Variants in PPP3R2 observed in about 807,000 individuals in gnomAD.
PPP3R2 encodes the protein protein phosphatase 3 regulatory subunit B, beta, also known as calcineurin subunit B type 2.
For missense variants in PPP3R2, 225 were observed against 217.4 expected (o/e 1.03, Z -0.22); for synonymous variants, 91 against 91.5 (o/e 0.99, Z 0.03).
rs1353765334 is a variant in PPP3R2, at chr9:101,592,166, A to G, written c.*2243T>C. On this transcript the variant is annotated 3_prime_UTR_variant, in exon 1 of 1. Transcript: ENST00000374806. ...CAGAAAGTCTGTTGTCCCCTCTGCA[A>G]ATGAAGGAGTGGTGAGGACCTTGAA... 6.6e-6 allele frequency: 1 copy of G among 152,192 alleles called. No individual in the cohort carries two copies. Among genetic ancestry groups the G allele is most frequent in the Admixed American group, 6.5e-5 (1 of 15,280 alleles). 9.4% of individuals were successfully genotyped at this position (152,192 alleles called of 1,614,324 possible).
rs560096090 is a variant in PPP3R2 at position 101,594,134 on chromosome 9, C to A, written c.*275G>T. On this transcript the variant is annotated 3_prime_UTR_variant, in exon 1 of 1. Coordinates refer to ENST00000374806, the MANE Select transcript of PPP3R2 (RefSeq NM_147180.4). ...TAAAGTTCTAGTTTGGTCTTTGAAT[C>A]AAAACAAAGTAAAAGATGTTTATAA... 8.1e-6 allele frequency: 3 copies of A among 369,956 alleles called. No homozygotes were observed. In the South Asian group the frequency reaches 2.3e-4, roughly 28 times the overall value. 22.9% of individuals were successfully genotyped at this position (369,956 alleles called of 1,614,324 possible).
Position 101,594,729 on chromosome 9 carries a change from C to A in PPP3R2, c.193G>T (p.Asp65Tyr). ...TTGAAGTCCACTTCTCCATCACCGT[C>A]GGTGTCGAAGACGTCGATCACTCGC... ...VRRVIDVFDT[D>Y]GDGEVDFKEF... The change falls in exon 1 of 1, where the codon GAC becomes TAC. Residue 65 changes from aspartate to tyrosine, a missense_variant. Coordinates refer to ENST00000374806, the MANE Select transcript of PPP3R2 (RefSeq NM_147180.4). 6 of 1,613,732 alleles carry A rather than the reference C, an allele frequency of 3.7e-6. No homozygotes were observed. The highest frequency in any genetic ancestry group is 5.1e-6 in the Non-Finnish European group (6 of 1,179,600).
At position 101,594,968 on chromosome 9, in the gene PPP3R2, G is replaced by A. The variant is rs1828098767; in HGVS notation, c.-47C>T. 1.3e-6 allele frequency: 2 copies of A among 1,570,532 alleles called. No homozygotes were observed. Among genetic ancestry groups the A allele is most frequent in the Non-Finnish European group, 1.7e-6 (2 of 1,165,246 alleles). The stretch of plus-strand genomic sequence containing the variant: ...ACGGCTCAAAGGGTCGGAGAGGGGA[G>A]CAGGGGCGGTGAGCTCGGGCGGGGC... On this transcript the variant is annotated 5_prime_UTR_variant, in exon 1 of 1. Coordinates refer to ENST00000374806, the MANE Select transcript of PPP3R2 (RefSeq NM_147180.4).
chr9:101,594,246 T>C lies in PPP3R2; in HGVS notation c.*163A>G. ...CCCTGAGTCATTCAGAGAAGGAGAA[T>C]TAATAGCACTGAGTTGGTGATGAAG... On this transcript the variant is annotated 3_prime_UTR_variant, in exon 1 of 1. Coordinates refer to ENST00000374806, the MANE Select transcript of PPP3R2 (RefSeq NM_147180.4). 2 of 862,548 alleles carry C rather than the reference T, an allele frequency of 2.3e-6. No individual in the cohort carries two copies. The highest frequency in any genetic ancestry group is 2.7e-5 in the East Asian group (1 of 37,232). 53.4% of individuals were successfully genotyped at this position (862,548 alleles called of 1,614,324 possible). A position where few individuals can be genotyped will look rare whatever the true frequency, so the allele number is the denominator to read the frequency against.
Position 101,592,599 on chromosome 9 carries a change from G to C in PPP3R2, c.*1810C>G, listed in dbSNP as rs191382771. On this transcript the variant is annotated 3_prime_UTR_variant, in exon 1 of 1. Transcript: ENST00000374806. ...ACATTACATAACCCTGATCACCACA[G>C]GGTTGGGAGCGTTTATCACAGTTTT... 11 of 152,308 alleles carry C rather than the reference G, an allele frequency of 7.2e-5. No homozygotes were observed. Among genetic ancestry groups the C allele is most frequent in the Admixed American group, 2.6e-4 (4 of 15,296 alleles). The allele number at this position is 152,308 out of a possible 1,614,324, so 9.4% of individuals were successfully genotyped here.
rs1828087273 is a variant in PPP3R2 at position 101,594,608 on chromosome 9, C to T, written c.314G>A (p.Gly105Asp). 1.2e-6 allele frequency: 2 copies of T among 1,614,070 alleles called. No homozygotes were observed. The highest frequency in any genetic ancestry group is 1.7e-6 in the Non-Finnish European group (2 of 1,180,038). The change falls in exon 1 of 1, where the codon GGC becomes GAC. Residue 105 changes from glycine (G) to aspartate (D), a missense_variant. Physicochemically the swap from Gly to Asp is moderately conservative, Grantham distance 94 (BLOSUM62 -1). Transcript: ENST00000374806. ...AFSIYDMDKD[G>D]YISNGELFQV... Reference sequence around the variant, plus strand: ...GAAGAGCTCCCCGTTGGAAATGTAGCCATCTTTATCCATGTCGTAAATGCT... The same window carrying T: ...GAAGAGCTCCCCGTTGGAAATGTAGTCATCTTTATCCATGTCGTAAATGCT...
rs866347064 is a variant in PPP3R2, at chr9:101,592,331, C to T, written c.*2078G>A. The T allele has an allele frequency of 1.3e-5, 2 of 152,106 alleles. No homozygotes were observed. The highest frequency in any genetic ancestry group is 4.8e-5 in the African/African-American group (2 of 41,410). 9.4% of individuals were successfully genotyped at this position (152,106 alleles called of 1,614,324 possible). A position where few individuals can be genotyped will look rare whatever the true frequency, so the allele number is the denominator to read the frequency against. ...CCTCATGTCTCCTTTACATATTGAT[C>T]TTGTAGAAGGGGAAGAAGGGGGAAG... On this transcript the variant is annotated 3_prime_UTR_variant, in exon 1 of 1. Coordinates refer to ENST00000374806, the MANE Select transcript of PPP3R2 (RefSeq NM_147180.4).
Position 101,592,322 on chromosome 9 carries a change from C to G in PPP3R2, c.*2087G>C, listed in dbSNP as rs1828040674. On this transcript the variant is annotated 3_prime_UTR_variant, in exon 1 of 1. Coordinates refer to ENST00000374806, the MANE Select transcript of PPP3R2 (RefSeq NM_147180.4). ...ACCAGTAAGCCTCATGTCTCCTTTA[C>G]ATATTGATCTTGTAGAAGGGGAAGA... is the stretch of plus-strand genomic sequence containing the variant. 1 of 152,138 alleles carries G rather than the reference C, an allele frequency of 6.6e-6. No individual in the cohort carries two copies. Among genetic ancestry groups the G allele is most frequent in the African/African-American group, 2.4e-5 (1 of 41,406 alleles). 9.4% of individuals were successfully genotyped at this position (152,138 alleles called of 1,614,324 possible).
Position 101,594,917 on chromosome 9 carries a change from C to T in PPP3R2, c.5G>A (p.Gly2Glu). 6.3e-7 allele frequency: 1 copy of T among 1,598,540 alleles called. No homozygotes were observed. Among genetic ancestry groups the T allele is most frequent in the Non-Finnish European group, 8.5e-7 (1 of 1,179,232 alleles). ...CTCCGCCGGGTAACTGGCCTCGTTT[C>T]CCATTGTGGACATCTGGCAACGGCC... The part of the protein sequence containing the change: M[G>E]NEASYPAEMC... Residue 2 changes from glycine (G) to glutamate (E), a missense_variant, in exon 1 of 1, where the codon GGA (glycine) becomes GAA (glutamate). Transcript: ENST00000374806.
At position 101,594,847 on chromosome 9, in the gene PPP3R2, C is replaced by G. The variant is rs1220597185; in HGVS notation, c.75G>C (p.Arg25Ser). 1 of 1,606,688 alleles carries G rather than the reference C, an allele frequency of 6.2e-7. No individual in the cohort carries two copies. The highest frequency in any genetic ancestry group is 1.3e-5 in the African/African-American group (1 of 74,932). Residue 25 changes from arginine to serine, a missense_variant, in exon 1 of 1, where the codon AGG becomes AGC. By Grantham distance (110) the Arg-to-Ser change is moderately radical. Transcript: ENST00000374806. The part of the protein sequence containing the change: ...FDNDEIKRLG[R>S]RFKKLDLDKS... ...TGTCCAAGTCCAACTTCTTAAACCT[C>G]CTGCCCAGCCTTTTAATTTCATCAT...
chr9:101,594,056 C>T lies in PPP3R2; in HGVS notation c.*353G>A, dbSNP rs1828072707. The T allele has an allele frequency of 4.8e-6, 1 of 206,998 alleles. No individual in the cohort carries two copies. The highest frequency in any genetic ancestry group is 2.3e-5 in the African/African-American group (1 of 42,922). 12.8% of individuals were successfully genotyped at this position (206,998 alleles called of 1,614,324 possible). A position where few individuals can be genotyped will look rare whatever the true frequency, so the allele number is the denominator to read the frequency against. Reference sequence around the variant, plus strand: ...CAAATTATAAATTTCCTCCCATATACAAAATGATGAGAAATAACAGCAAAA... The same window carrying T: ...CAAATTATAAATTTCCTCCCATATATAAAATGATGAGAAATAACAGCAAAA... On this transcript the variant is annotated 3_prime_UTR_variant, in exon 1 of 1. Transcript: ENST00000374806.
rs939520942 is a variant in PPP3R2 at position 101,592,249 on chromosome 9, T to A, written c.*2160A>T. Reference sequence around the variant, plus strand: ...CATGGGCTGTACACTAATGTCCAGTTAATTTTAGAGTGGGTGTAGCTAAGA... The same window carrying A: ...CATGGGCTGTACACTAATGTCCAGTAAATTTTAGAGTGGGTGTAGCTAAGA... On this transcript the variant is annotated 3_prime_UTR_variant, in exon 1 of 1. Transcript: ENST00000374806. 3 of 152,244 alleles carry A rather than the reference T, an allele frequency of 2.0e-5. No individual in the cohort carries two copies. Among genetic ancestry groups the A allele is most frequent in the Admixed American group, 6.5e-5 (1 of 15,286 alleles). The allele number at this position is 152,244 out of a possible 1,614,324, so 9.4% of individuals were successfully genotyped here. A position where few individuals can be genotyped will look rare whatever the true frequency, so the allele number is the denominator to read the frequency against.
chr9:101,592,614 A>G lies in PPP3R2; in HGVS notation c.*1795T>C, dbSNP rs1031769511. The G allele has an allele frequency of 1.3e-5, 2 of 152,200 alleles. No individual in the cohort carries two copies. The highest frequency in any genetic ancestry group is 4.8e-5 in the African/African-American group (2 of 41,442). 9.4% of individuals were successfully genotyped at this position (152,200 alleles called of 1,614,324 possible). ...GATCACCACAGGGTTGGGAGCGTTT[A>G]TCACAGTTTTTAGGGTTGAACAGGA... is the stretch of plus-strand genomic sequence containing the variant. On this transcript the variant is annotated 3_prime_UTR_variant, in exon 1 of 1. Transcript: ENST00000374806.
Position 101,594,290 on chromosome 9 carries a change from G to T in PPP3R2, c.*119C>A. 1.5e-6 allele frequency: 2 copies of T among 1,307,938 alleles called. No individual in the cohort carries two copies. The highest frequency in any genetic ancestry group is 2.1e-6 in the Non-Finnish European group (2 of 959,848). The allele number at this position is 1,307,938 out of a possible 1,614,324, so 81.0% of individuals were successfully genotyped here. ...GATGAAGCTCCTGTTAGGACATATG[G>T]CTTCACAAAAAGAAATACTTCCAGA... On this transcript the variant is annotated 3_prime_UTR_variant, in exon 1 of 1. Coordinates refer to ENST00000374806, the MANE Select transcript of PPP3R2 (RefSeq NM_147180.4).
Position 101,594,384 on chromosome 9 carries a change from T to C in PPP3R2, c.*25A>G. The stretch of plus-strand genomic sequence containing the variant: ...AGATAGGGAAGAAAGCAGAAGTTGT[T>C]GGGTGGTGCTTGTAAGAAAAAGGCT... On this transcript the variant is annotated 3_prime_UTR_variant, in exon 1 of 1. Coordinates refer to ENST00000374806, the MANE Select transcript of PPP3R2 (RefSeq NM_147180.4). The C allele has an allele frequency of 1.3e-6, 2 of 1,562,330 alleles. No homozygotes were observed. Among genetic ancestry groups the C allele is most frequent in the South Asian group, 2.4e-5 (2 of 82,296 alleles).
Position 101,593,566 on chromosome 9 carries a change from G to C in PPP3R2, c.*843C>G, listed in dbSNP as rs1173184495. On this transcript the variant is annotated 3_prime_UTR_variant, in exon 1 of 1. Transcript: ENST00000374806. ...ACTAAATGTCTCATTGTCTCCACCT[G>C]GGGGTAGGGACCAGTGTCGGAGGTG... 4 of 152,210 alleles carry C rather than the reference G, an allele frequency of 2.6e-5. No homozygotes were observed. Among genetic ancestry groups the C allele is most frequent in the Non-Finnish European group, 5.9e-5 (4 of 68,058 alleles). 9.4% of individuals were successfully genotyped at this position (152,210 alleles called of 1,614,324 possible).
Position 101,594,598 on chromosome 9 carries a change from G to A in PPP3R2, c.324C>T (p.Ser108=), listed in dbSNP as rs1369225216. 1 of 1,614,184 alleles carries A rather than the reference G, an allele frequency of 6.2e-7. No individual in the cohort carries two copies. Among genetic ancestry groups the A allele is most frequent in the Non-Finnish European group, 8.5e-7 (1 of 1,180,034 alleles). The change falls in exon 1 of 1, where the codon TCC becomes TCT. Residue 108 remains serine, a synonymous_variant. Transcript: ENST00000374806. ...IYDMDKDGYI[S]NGELFQVLKM... is the part of the protein sequence containing the mutation. ...TCAGCACCTGGAAGAGCTCCCCGTT[G>A]GAAATGTAGCCATCTTTATCCATGT...
Position 101,594,781 on chromosome 9 carries a change from C to T in PPP3R2, c.141G>A (p.Pro47=). Residue 47 remains proline (P), a synonymous_variant, in exon 1 of 1, where the codon CCG becomes CCA. Coordinates refer to ENST00000374806, the MANE Select transcript of PPP3R2 (RefSeq NM_147180.4). The stretch of plus-strand genomic sequence containing the variant: ...GCACCAACGGGTTGTGGCGCAGCTC[C>T]GGCAGGGACATGAACTCCTCCACGC... ...SLSVEEFMSL[P]ELRHNPLVRR... is the part of the protein sequence containing the mutation. 2 of 1,613,822 alleles carry T rather than the reference C, an allele frequency of 1.2e-6. No individual in the cohort carries two copies. The highest frequency in any genetic ancestry group is 1.7e-6 in the Non-Finnish European group (2 of 1,180,046).
At position 101,593,850 on chromosome 9, in the gene PPP3R2, T is replaced by C. The variant is rs896294309; in HGVS notation, c.*559A>G. The C allele has an allele frequency of 6.5e-6, 1 of 152,702 alleles. No individual in the cohort carries two copies. Among genetic ancestry groups the C allele is most frequent in the Non-Finnish European group, 1.5e-5 (1 of 68,550 alleles). 9.5% of individuals were successfully genotyped at this position (152,702 alleles called of 1,614,324 possible). On this transcript the variant is annotated 3_prime_UTR_variant, in exon 1 of 1. Transcript: ENST00000374806. Reference sequence around the variant, plus strand: ...ACATGCACAGCGATTTCTGGATGCATTGTGGGGAATGGGGCTGCAATCTGC... The same window carrying C: ...ACATGCACAGCGATTTCTGGATGCACTGTGGGGAATGGGGCTGCAATCTGC...
Sources: allele counts gnomAD v4.1 joint callset, GRCh38; gene constraint gnomAD v4.1.1; transcripts MANE v1.5; gene names NCBI Gene and HGNC (gene_info 2026-07-23, HGNC 2026-07-21).